SGCZ: variants seen among roughly 807,000 people sequenced by gnomAD.
SGCZ encodes the protein zeta-sarcoglycan.
A neutral mutation model predicts 41.3 loss-of-function variants in SGCZ; 40 were observed. The ratio of observed to expected loss-of-function variants is 0.97; its 90% CI spans 0.75 to 1.26. SGCZ has a LOEUF of 1.26. Ranked by LOEUF, SGCZ falls within the 50% of genes most tolerant of loss-of-function variation. SGCZ has a pLI of 0.00. For synonymous variants in SGCZ, 206 were observed against 137.5 expected (o/e 1.50, Z -3.49); for missense variants, 552 against 369.8 (o/e 1.49, Z -4.04).
chr8:14,570,022 T>A (rs1221580773), intron 1 of SGCZ, among the ~76,000 whole-genome samples: 1 of 151,974 alleles, frequency 6.6e-6, no homozygotes, highest in African/African-American at 2.4e-5. Flanking sequence ...CATTCCTCAT[T>A]ACCTTCATCT....
rs552853941 is a variant in SGCZ at position 15,217,309 on chromosome 8, T to C, written c.39+20276A>G. ...GCGGGCGCCTGTAGTCCCAGCTACTTGGGAGGCTGAGGCAGGAGAATGGCG... is the reference window on the plus strand; with the variant it reads ...GCGGGCGCCTGTAGTCCCAGCTACTCGGGAGGCTGAGGCAGGAGAATGGCG... On this transcript the variant is annotated intron_variant, in intron 1 of 7. Coordinates refer to ENST00000382080, the MANE Select transcript of SGCZ (RefSeq NM_139167.4). 1.4e-3 allele frequency among the ~76,000 whole-genome samples: 217 copies of C among 150,800 alleles called. 1 individual carries two copies. Among genetic ancestry groups the C allele is most frequent in the African/African-American group, 4.2e-3 (171 of 41,022 alleles).
chr8:14,875,627 G>A (rs569655807), intron 1 of SGCZ, among the ~76,000 whole-genome samples: 14 of 152,238 alleles, frequency 9.2e-5, no homozygotes, highest in Admixed American at 3.3e-4. Context: ...TTTCTCATCT[G>A]TAAAGTGAAA....
intron 3 of SGCZ, among the ~76,000 whole-genome samples, chr8:14,305,480 G>C (rs980681246): frequency 6.6e-6 from 1 of 152,040 alleles, no homozygotes; most frequent in African/African-American, 2.4e-5. Context: ...ATGTGGAATA[G>C]CAAAAATCTA....
At chr8:15,116,533 A>G (rs1273868186) in intron 1 of SGCZ, among the ~76,000 whole-genome samples, 1 of 152,204 alleles carries the variant, frequency 6.6e-6, no homozygotes, top group African/African-American at 2.4e-5. Flanking sequence ...TAGCTGGGTG[A>G]CAAGTCTTAC....
chr8:14,609,666 G>A (rs945268478), intron 1 of SGCZ, among the ~76,000 whole-genome samples: 11 of 152,164 alleles, frequency 7.2e-5, no homozygotes, highest in Non-Finnish European at 1.5e-4. Context: ...CCAAGGGAGA[G>A]GGAAGGAGAT....
At chr8:15,066,184 T>G (rs1248357180) in intron 1 of SGCZ, among the ~76,000 whole-genome samples, 1 of 151,844 alleles carries the variant, frequency 6.6e-6, no homozygotes, top group Non-Finnish European at 1.5e-5. Flanking sequence ...GGCGGGCGCC[T>G]GTAGTCCCAG....
intron 1 of SGCZ, among the ~76,000 whole-genome samples, chr8:15,015,551 A>G (rs894488389): frequency 3.3e-5 from 5 of 151,532 alleles, no homozygotes; most frequent in Non-Finnish European, 7.4e-5. Flanking sequence ...GGCGAGTGTG[A>G]TGGCAGGCAC....
At chr8:14,466,278 C>G (rs1449655377) in intron 2 of SGCZ, among the ~76,000 whole-genome samples, 1 of 151,922 alleles carries the variant, frequency 6.6e-6, no homozygotes, top group African/African-American at 2.4e-5. Flanking sequence ...TTGTTTGCTA[C>G]TTTAAATATA....
At chr8:14,227,256 A>G (rs540827037) in intron 4 of SGCZ, among the ~76,000 whole-genome samples, 27 of 152,242 alleles carry the variant, frequency 1.8e-4, no homozygotes, top group African/African-American at 6.3e-4. Flanking sequence ...GTAAGAATGC[A>G]AACAGTTTTC....
At chr8:14,736,340 C>G (rs545440843) in intron 1 of SGCZ, among the ~76,000 whole-genome samples, 1 of 152,164 alleles carries the variant, frequency 6.6e-6, no homozygotes, top group African/African-American at 2.4e-5. Context: ...ACATAAATTC[C>G]CTTTAAATAA....
At chr8:14,581,296 G>A (rs745378954) in intron 1 of SGCZ, among the ~76,000 whole-genome samples, 1 of 151,906 alleles carries the variant, frequency 6.6e-6, no homozygotes, top group African/African-American at 2.4e-5. Flanking sequence ...TTATAGATAC[G>A]GGGTTTCCCC....
At chr8:14,719,245 G>C (rs1308213013) in intron 1 of SGCZ, among the ~76,000 whole-genome samples, 1 of 147,844 alleles carries the variant, frequency 6.8e-6, no homozygotes, top group Non-Finnish European at 1.5e-5. Context: ...TCTTAATCCA[G>C]TCTATCATGG....
At chr8:14,737,250 A>G (rs1346323618) in intron 1 of SGCZ, among the ~76,000 whole-genome samples, 2 of 151,084 alleles carry the variant, frequency 1.3e-5, no homozygotes, top group Non-Finnish European at 2.9e-5. Context: ...AGTATCCTAT[A>G]TTGTTGATCA....
intron 3 of SGCZ, among the ~76,000 whole-genome samples, chr8:14,295,174 C>T (rs576728592): frequency 4.9e-4 from 75 of 152,092 alleles, no homozygotes; most frequent in East Asian, 9.7e-4. Context: ...CCAAAAGATG[C>T]GAAAAGAAAT....
chr8:14,375,107 TAGATAGACAGACAGACAGACAGAC>T (rs1409331987), intron 2 of SGCZ, among the ~76,000 whole-genome samples: 3 of 145,858 alleles, frequency 2.1e-5, no homozygotes, highest in Non-Finnish European at 4.6e-5. Context: ...ATCAGATAGA[TAGATAGACAGACAGACAGACAGAC>T]AGACAGACAG....
chr8:14,171,497 A>T (rs1020400521), intron 4 of SGCZ, among the ~76,000 whole-genome samples: 1 of 152,054 alleles, frequency 6.6e-6, no homozygotes, highest in African/African-American at 2.4e-5. Flanking sequence ...GTACCAATTC[A>T]GTACAAGTTC....
At chr8:14,529,556 T>C (rs979573773) in intron 2 of SGCZ, among the ~76,000 whole-genome samples, 5 of 152,144 alleles carry the variant, frequency 3.3e-5, no homozygotes, top group Non-Finnish European at 5.9e-5. Flanking sequence ...GATTGTACTT[T>C]CCATGATCAC....
rs148346945 is a variant in SGCZ, at chr8:15,124,663, T to C, written c.39+112922A>G. Reference sequence around the variant, plus strand: ...CTCCTGATTCTCCTGCCAATTCTTATGAGTTTTATGGTTGTGCAGTTGTTC... The same window carrying C: ...CTCCTGATTCTCCTGCCAATTCTTACGAGTTTTATGGTTGTGCAGTTGTTC... On this transcript the variant is annotated intron_variant, in intron 1 of 7. Coordinates refer to ENST00000382080, the MANE Select transcript of SGCZ (RefSeq NM_139167.4). Among the ~76,000 whole-genome samples, 6 of 152,352 alleles carry C rather than the reference T, an allele frequency of 3.9e-5. No homozygotes were observed. In the East Asian group the frequency reaches 1.2e-3, roughly 29 times the overall value.
chr8:14,775,176 A>T (rs957858521), intron 1 of SGCZ, among the ~76,000 whole-genome samples: 1 of 152,202 alleles, frequency 6.6e-6, no homozygotes, highest in African/African-American at 2.4e-5. Flanking sequence ...TACTGTGTAT[A>T]TGAATCACCT....
Sources: gnomAD v4.1 joint callset for allele counts (sites outside exome capture counted in the v4.1 genomes callset) on GRCh38, gnomAD v4.1.1 for gene constraint, MANE v1.5 for transcripts, NCBI Gene and HGNC (gene_info 2026-07-23, HGNC 2026-07-21) for gene names.